Variants in NTRK2 observed in about 807,000 individuals in gnomAD.
NTRK2 encodes the protein BDNF/NT-3 growth factors receptor.
In NTRK2, 13 loss-of-function variants were observed where a neutral mutation model predicts 94.5. That is an observed-to-expected ratio of 0.14 (90% CI 0.09 to 0.22). NTRK2 has a LOEUF of 0.22. Ranked by LOEUF, NTRK2 falls within the 10% of genes least tolerant of loss-of-function variation. The pLI, the probability that NTRK2 is intolerant of heterozygous loss-of-function variation, is 1.00. For synonymous variants in NTRK2, 372 were observed against 407.4 expected, an observed-to-expected ratio of 0.91 and a Z score of 1.05; for missense variants, 639 against 1,071.2, an observed-to-expected ratio of 0.60 and a Z score of 5.63.
At chr9:84,981,176 GTTCAAGCGA>G (rs1225175357) in intron 17 of NTRK2, among the ~76,000 whole-genome samples, 3 of 152,128 alleles carry the variant, frequency 2.0e-5, no homozygotes, top group Non-Finnish European at 4.4e-5. Context: ...CGCCTCCTGG[GTTCAAGCGA>G]TTCTCCTGCC....
chr9:84,679,885 A>C (rs1157330007), intron 2 of NTRK2, among the ~76,000 whole-genome samples: 4 of 152,070 alleles, frequency 2.6e-5, no homozygotes, highest in Non-Finnish European at 5.9e-5. Flanking sequence ...CAGCCCTTCC[A>C]TGGTTTCCCA....
chr9:84,915,104 A>G (rs2077355804), intron 14 of NTRK2, among the ~76,000 whole-genome samples: 1 of 152,182 alleles, frequency 6.6e-6, no homozygotes, highest in Non-Finnish European at 1.5e-5. Flanking sequence ...ATGAGAATCT[A>G]ATGCCGCTGC....
At chr9:84,695,298 C>T (rs910251418) in intron 2 of NTRK2, among the ~76,000 whole-genome samples, 8 of 152,000 alleles carry the variant, frequency 5.3e-5, no homozygotes, top group African/African-American at 1.9e-4. Context: ...CACTATTAAG[C>T]TAATATGCTT....
At chr9:84,889,898 T>C (rs1564436344) in intron 14 of NTRK2, among the ~76,000 whole-genome samples, 1 of 152,210 alleles carries the variant, frequency 6.6e-6, no homozygotes, top group African/African-American at 2.4e-5. Context: ...CAGCTTGTAC[T>C]CTTATGTGTC....
chr9:84,980,987 T>C (rs1425562909), intron 17 of NTRK2, among the ~76,000 whole-genome samples: 1 of 152,238 alleles, frequency 6.6e-6, no homozygotes, highest in African/African-American at 2.4e-5. Flanking sequence ...GGGGCTGGAA[T>C]AAACAGATGG....
At chr9:84,686,232 AG>A (rs1460852330) in intron 2 of NTRK2, among the ~76,000 whole-genome samples, 2 of 152,218 alleles carry the variant, frequency 1.3e-5, no homozygotes, top group Non-Finnish European at 2.9e-5. Flanking sequence ...AATTGTGGAA[AG>A]GAAAAAAGGC....
chr9:84,922,621 A>G (rs1013420000), intron 14 of NTRK2, among the ~76,000 whole-genome samples: 27 of 152,150 alleles, frequency 1.8e-4, no homozygotes, highest in African/African-American at 6.3e-4. Context: ...CCCAGTTACT[A>G]CATCCCCAAA....
intron 14 of NTRK2, among the ~76,000 whole-genome samples, chr9:84,880,686 A>G (rs182678425): frequency 3.7e-4 from 57 of 152,386 alleles, no homozygotes; most frequent in African/African-American, 1.3e-3. Context: ...TGACAGACAC[A>G]CATGTTGACC....
intron 12 of NTRK2, among the ~76,000 whole-genome samples, chr9:84,853,930 A>C (rs1262829043): frequency 6.6e-6 from 1 of 152,110 alleles, no homozygotes; most frequent in Non-Finnish European, 1.5e-5. Flanking sequence ...AAATACAAAA[A>C]TTAGCCAGGT....
chr9:84,913,230 A>C (rs2077296564), intron 14 of NTRK2, among the ~76,000 whole-genome samples: 1 of 151,868 alleles, frequency 6.6e-6, no homozygotes, highest in Admixed American at 6.6e-5. Context: ...TGCCCTTTTT[A>C]GTGGTTGCTT....
At chr9:84,816,513 G>T (rs1181681573) in intron 12 of NTRK2, among the ~76,000 whole-genome samples, 1 of 152,092 alleles carries the variant, frequency 6.6e-6, no homozygotes, top group African/African-American at 2.4e-5. Flanking sequence ...GGGCGTGGCG[G>T]CTCACACCTA....
In NTRK2 at chr9:84,743,310, G is replaced by A. The variant is rs528057920; in HGVS notation, c.1195+1383G>A. On this transcript the variant is annotated intron_variant, in intron 10 of 18. Coordinates refer to ENST00000277120, the MANE Select transcript of NTRK2 (RefSeq NM_006180.6). ...AAAACATTACATTTATATATTTTCTGTAAAATATTCTGTTCCTTAATTTTA... is the reference window on the plus strand; with the variant it reads ...AAAACATTACATTTATATATTTTCTATAAAATATTCTGTTCCTTAATTTTA... Among the ~76,000 whole-genome samples, 187 of 152,116 alleles carry A rather than the reference G, an allele frequency of 1.2e-3. 1 individual carries two copies. The highest frequency in any genetic ancestry group is 3.7e-3 in the African/African-American group (153 of 41,526).
chr9:84,918,960 C>A (rs17390220), intron 14 of NTRK2, among the ~76,000 whole-genome samples: 1,993 of 152,252 alleles, frequency 0.013, 19 homozygotes, highest in African/African-American at 0.023. Context: ...CATTAAGGAA[C>A]CTGCAATAGC....
At chr9:84,726,681 G>T (rs965997669) in intron 8 of NTRK2, among the ~76,000 whole-genome samples, 2 of 152,148 alleles carry the variant, frequency 1.3e-5, no homozygotes, top group African/African-American at 4.8e-5. Flanking sequence ...CAAGATTCTT[G>T]TTCCAGATCT....
chr9:85,019,743 C>T (rs1361317586), intron 17 of NTRK2, among the ~76,000 whole-genome samples: 1 of 152,186 alleles, frequency 6.6e-6, no homozygotes, highest in African/African-American at 2.4e-5. Context: ...GGGTTTGAAT[C>T]AGCATCATGC....
intron 12 of NTRK2, among the ~76,000 whole-genome samples, chr9:84,780,610 C>A (rs1280537194): frequency 2.6e-5 from 4 of 152,088 alleles, no homozygotes; most frequent in African/African-American, 7.2e-5. Flanking sequence ...TCCAGCTCTG[C>A]GCAACTTTAC....
intron 14 of NTRK2, among the ~76,000 whole-genome samples, chr9:84,879,512 C>G (rs1289706438): frequency 6.6e-6 from 1 of 151,942 alleles, no homozygotes; most frequent in Non-Finnish European, 1.5e-5. Flanking sequence ...TTTTATGGGC[C>G]AGGCCCCATG....
chr9:84,763,716 C>A (rs908182685), intron 12 of NTRK2, among the ~76,000 whole-genome samples: 1 of 152,164 alleles, frequency 6.6e-6, no homozygotes, highest in African/African-American at 2.4e-5. Flanking sequence ...ATTAAGATAA[C>A]CCTGTAATAA....
intron 12 of NTRK2, among the ~76,000 whole-genome samples, chr9:84,830,282 G>A (rs1169011244): frequency 6.6e-6 from 1 of 152,144 alleles, no homozygotes; most frequent in Non-Finnish European, 1.5e-5. Context: ...CTTGTATACA[G>A]TTTCCTGTAC....
Sources: allele counts gnomAD v4.1 joint callset (sites outside exome capture counted in the v4.1 genomes callset), GRCh38; gene constraint gnomAD v4.1.1; transcripts MANE v1.5; gene names NCBI Gene and HGNC (gene_info 2026-07-23, HGNC 2026-07-21).